Variants in STK32B observed in about 807,000 individuals in gnomAD.
The protein encoded by STK32B is serine/threonine-protein kinase 32B.
Under a neutral mutation model 52.6 loss-of-function variants are expected in STK32B, and 43 were observed. The ratio of observed to expected loss-of-function variants is 0.82; its 90% CI spans 0.64 to 1.05. The LOEUF (loss-of-function observed/expected upper bound fraction) is 1.05. STK32B is among the 50% of genes least tolerant of loss of function. STK32B has a pLI of 0.00. For synonymous variants in STK32B, 238 were observed against 204.3 expected, an observed-to-expected ratio of 1.17 and a Z score of -1.41; for missense variants, 621 against 534.6, an observed-to-expected ratio of 1.16 and a Z score of -1.59.
At chr4:5,053,836 G>A (rs1263911095) in intron 1 of STK32B, among the ~76,000 whole-genome samples, 3 of 151,784 alleles carry the variant, frequency 2.0e-5, no homozygotes, top group East Asian at 1.9e-4. Flanking sequence ...AAAATTAGCC[G>A]GGCATGTTGG....
chr4:5,187,904 G>A (rs1019914275), intron 3 of STK32B, among the ~76,000 whole-genome samples: 2 of 152,158 alleles, frequency 1.3e-5, no homozygotes, highest in Non-Finnish European at 2.9e-5. Context: ...TACTCTGAGG[G>A]AGAGGAAGGA....
At chr4:5,219,028 G>T (rs766412866) in intron 3 of STK32B, among the ~76,000 whole-genome samples, 1 of 152,196 alleles carries the variant, frequency 6.6e-6, no homozygotes, top group African/African-American at 2.4e-5. Flanking sequence ...GGCCTGGAGA[G>T]CCCCCTGGTT....
intron 1 of STK32B, among the ~76,000 whole-genome samples, chr4:5,114,149 C>A (rs1268247595): frequency 6.6e-6 from 1 of 151,862 alleles, no homozygotes; most frequent in Non-Finnish European, 1.5e-5. Flanking sequence ...CACCCCCATT[C>A]TCTCCAGGCC....
chr4:5,449,498 G>A (rs989640406), intron 7 of STK32B, among the ~76,000 whole-genome samples: 1 of 152,230 alleles, frequency 6.6e-6, no homozygotes, highest in Non-Finnish European at 1.5e-5. Flanking sequence ...AGCCAAGCAT[G>A]CTTTATGGAC....
chr4:5,437,327 G>C (rs1247432081), intron 6 of STK32B, among the ~76,000 whole-genome samples: 1 of 152,222 alleles, frequency 6.6e-6, no homozygotes, highest in Non-Finnish European at 1.5e-5. Context: ...GGGGCCAGCA[G>C]GGCCATGTGC....
At chr4:5,452,254 G>A (rs566634396) in intron 7 of STK32B, among the ~76,000 whole-genome samples, 6 of 152,282 alleles carry the variant, frequency 3.9e-5, no homozygotes, top group Non-Finnish European at 4.4e-5. Context: ...GACAGAGAAG[G>A]TTGAGGGTAC....
intron 11 of STK32B, among the ~76,000 whole-genome samples, chr4:5,483,793 G>T (rs189686889): frequency 0.012 from 1,858 of 152,052 alleles, 39 homozygotes; most frequent in African/African-American, 0.042. Context: ...TTGTGTCTTT[G>T]TTCTCGTTGG....
chr4:5,375,848 TGGAG>T (rs555732277), intron 4 of STK32B, among the ~76,000 whole-genome samples: 235 of 152,278 alleles, frequency 1.5e-3, no homozygotes, highest in African/African-American at 5.4e-3. Flanking sequence ...AGCAAGAGCC[TGGAG>T]GGCAGGTTCC....
intron 11 of STK32B, among the ~76,000 whole-genome samples, chr4:5,496,025 G>C (rs1720211591): frequency 6.6e-6 from 1 of 152,188 alleles, no homozygotes; most frequent in Admixed American, 6.5e-5. Flanking sequence ...CGGGGGCAGG[G>C]GTCAGGGACC....
intron 3 of STK32B, among the ~76,000 whole-genome samples, chr4:5,286,276 C>G (rs1454144198): frequency 2.0e-5 from 3 of 152,174 alleles, no homozygotes; most frequent in African/African-American, 7.2e-5. Flanking sequence ...CTAGACTTCT[C>G]AATAACTAAC....
At chr4:5,413,299 C>T (rs1054704342) in intron 5 of STK32B, among the ~76,000 whole-genome samples, 15 of 152,246 alleles carry the variant, frequency 9.9e-5, no homozygotes, top group African/African-American at 3.4e-4. Context: ...AACAAAGAGC[C>T]CAACTTAAAC....
chr4:5,276,725 AAT>A (rs1727848825), intron 3 of STK32B, among the ~76,000 whole-genome samples: 1 of 152,064 alleles, frequency 6.6e-6, no homozygotes, highest in Admixed American at 6.6e-5. Context: ...TAATTTTTAC[AAT>A]AGTCATATTA....
At chr4:5,172,708 T>G (rs1347359101) in intron 3 of STK32B, among the ~76,000 whole-genome samples, 1 of 152,206 alleles carries the variant, frequency 6.6e-6, no homozygotes. Flanking sequence ...GGATTCGGTT[T>G]GCCAGTATTT....
At chr4:5,441,182 A>T (rs921086954) in intron 6 of STK32B, among the ~76,000 whole-genome samples, 102 of 150,054 alleles carry the variant, frequency 6.8e-4, no homozygotes, top group African/African-American at 2.3e-3. Flanking sequence ...AAGGAATGGT[A>T]CCAGTTCCTC....
chr4:5,359,324 T>TACCCATCCATCC (rs1373729524), intron 4 of STK32B, among the ~76,000 whole-genome samples: 2 of 151,962 alleles, frequency 1.3e-5, no homozygotes, highest in Non-Finnish European at 2.9e-5. Context: ...CTCACTCATC[T>TACCCATCCATCC]ACCCATCCAT....
chr4:5,183,307 A>G (rs1165255574), intron 3 of STK32B, among the ~76,000 whole-genome samples: 5 of 152,084 alleles, frequency 3.3e-5, no homozygotes, highest in African/African-American at 9.6e-5. Context: ...GAGAAACCCC[A>G]TCTCTACTAA....
chr4:5,206,698 C>T (rs909483548), intron 3 of STK32B, among the ~76,000 whole-genome samples: 3 of 152,110 alleles, frequency 2.0e-5, no homozygotes, highest in African/African-American at 7.2e-5. Flanking sequence ...AAAACATTTC[C>T]ATAAACCCAG....
chr4:5,387,458 G>T (rs969064724), intron 4 of STK32B, among the ~76,000 whole-genome samples: 1 of 152,190 alleles, frequency 6.6e-6, no homozygotes, highest in Admixed American at 6.5e-5. Context: ...GGAAAACTCA[G>T]ACTGCAACCT....
At chr4:5,180,195 G>A (rs1720247825) in intron 3 of STK32B, among the ~76,000 whole-genome samples, 1 of 152,200 alleles carries the variant, frequency 6.6e-6, no homozygotes, top group Admixed American at 6.5e-5. Context: ...AGAAAGCAGG[G>A]CCCCAAGCAG....
Sources: allele counts gnomAD v4.1 joint callset (sites outside exome capture counted in the v4.1 genomes callset), GRCh38; gene constraint gnomAD v4.1.1; transcripts MANE v1.5; gene names NCBI Gene and HGNC (gene_info 2026-07-23, HGNC 2026-07-21).